Variants in GRIK2 observed in about 807,000 individuals in gnomAD.
GRIK2 encodes the protein glutamate receptor ionotropic, kainate 2.
In GRIK2, 32 loss-of-function variants were observed where a neutral mutation model predicts 100.3. That is an observed-to-expected ratio of 0.32 (90% confidence interval 0.24 to 0.43). The LOEUF (loss-of-function observed/expected upper bound fraction) is 0.43. Ranked by LOEUF, GRIK2 falls within the 20% of genes least tolerant of loss-of-function variation. The pLI, the probability that GRIK2 is intolerant of heterozygous loss-of-function variation, is 1.00. For missense variants in GRIK2, 843 were observed against 1,114.9 expected (o/e 0.76, Z 3.47); for synonymous variants, 417 against 389.4 (o/e 1.07, Z -0.83).
chr6:102,063,710 C>A lies in GRIK2; in HGVS notation c.2563-4637C>A, dbSNP rs1391595245. 4.8e-4 allele frequency among the ~76,000 whole-genome samples: 71 copies of A among 148,734 alleles called. No homozygotes were observed. In the Admixed American group the frequency reaches 4.8e-3, roughly 10 times the overall value. The stretch of plus-strand genomic sequence containing the variant: ...ATTCTTGAAAACATTTACCTGTGGA[C>A]TATTTATGTATTTTCTTATTACATC... On this transcript the variant is annotated intron_variant, in intron 16 of 16. Coordinates refer to ENST00000369134, the MANE Select transcript of GRIK2 (RefSeq NM_021956.5).
intron 14 of GRIK2, among the ~76,000 whole-genome samples, chr6:102,008,291 A>G (rs1315349060): frequency 6.6e-6 from 1 of 152,118 alleles, no homozygotes; most frequent in African/African-American, 2.4e-5. Flanking sequence ...GACACAAAAC[A>G]GCACATGACC....
intron 2 of GRIK2, among the ~76,000 whole-genome samples, chr6:101,604,868 T>A (rs922539915): frequency 1.5e-4 from 22 of 150,608 alleles, no homozygotes; most frequent in African/African-American, 5.5e-4. Flanking sequence ...TAAATATAAG[T>A]CCCCAAACCA....
chr6:101,673,123 G>T (rs1250698719), intron 4 of GRIK2, among the ~76,000 whole-genome samples: 1 of 152,006 alleles, frequency 6.6e-6, no homozygotes, highest in Non-Finnish European at 1.5e-5. Flanking sequence ...TCTGACAAAG[G>T]TCTCATTTCC....
intron 14 of GRIK2, among the ~76,000 whole-genome samples, chr6:101,972,783 C>A (rs1374105648): frequency 2.0e-5 from 3 of 151,920 alleles, no homozygotes; most frequent in African/African-American, 7.2e-5. Flanking sequence ...GTTATCCCTG[C>A]ACCATTTCTT....
At chr6:101,944,564 A>G (rs1159782801) in intron 14 of GRIK2, among the ~76,000 whole-genome samples, 2 of 152,204 alleles carry the variant, frequency 1.3e-5, no homozygotes, top group Admixed American at 6.6e-5. Context: ...TTCCTACTCA[A>G]AGATGCATGA....
intron 10 of GRIK2, among the ~76,000 whole-genome samples, chr6:101,823,897 T>C (rs1782136511): frequency 6.7e-6 from 1 of 149,820 alleles, no homozygotes; most frequent in African/African-American, 2.4e-5. Flanking sequence ...TGATGGAGTC[T>C]CGCTCTGTCG....
chr6:101,704,218 T>G (rs1773099101), intron 7 of GRIK2, among the ~76,000 whole-genome samples: 1 of 151,654 alleles, frequency 6.6e-6, no homozygotes, highest in Non-Finnish European at 1.5e-5. Flanking sequence ...GAGACCATGA[T>G]GGAGAATAAG....
chr6:101,617,545 G>A (rs189465685), intron 2 of GRIK2, among the ~76,000 whole-genome samples: 98 of 151,892 alleles, frequency 6.5e-4, no homozygotes, highest in African/African-American at 2.3e-3. Flanking sequence ...GTGTCACAGA[G>A]TTTGTATATT....
chr6:101,608,224 T>C (rs963587332), intron 2 of GRIK2, among the ~76,000 whole-genome samples: 1 of 151,866 alleles, frequency 6.6e-6, no homozygotes, highest in South Asian at 2.1e-4. Context: ...CTTTAATCAC[T>C]ATACAATATT....
At chr6:101,730,185 GC>G (rs1382836610) in intron 7 of GRIK2, among the ~76,000 whole-genome samples, 5 of 151,902 alleles carry the variant, frequency 3.3e-5, no homozygotes, top group African/African-American at 1.2e-4. Flanking sequence ...CAAATTCGAG[GC>G]AGTAAATAAT....
chr6:101,970,633 C>T (rs1464788702), intron 14 of GRIK2, among the ~76,000 whole-genome samples: 10 of 152,004 alleles, frequency 6.6e-5, no homozygotes, highest in Non-Finnish European at 1.5e-4. Context: ...CAAGGGTAAA[C>T]GACATGGCAC....
At chr6:101,723,804 A>T (rs1251956918) in intron 7 of GRIK2, among the ~76,000 whole-genome samples, 1 of 152,028 alleles carries the variant, frequency 6.6e-6, no homozygotes, top group Non-Finnish European at 1.5e-5. Context: ...GCTAGTGGAG[A>T]ATTTAGATTT....
intron 10 of GRIK2, among the ~76,000 whole-genome samples, chr6:101,848,264 A>C (rs562353372): frequency 2.0e-5 from 3 of 152,248 alleles, no homozygotes; most frequent in Admixed American, 6.5e-5. Flanking sequence ...TTGTCGTTGT[A>C]AGTTTTTATT....
chr6:102,006,388 ATATT>A (rs1306217326), intron 14 of GRIK2, among the ~76,000 whole-genome samples: 8 of 111,902 alleles, frequency 7.1e-5, no homozygotes, highest in African/African-American at 1.6e-4. Context: ...ATATATATAT[ATATT>A]TTTTTTTTTT....
intron 7 of GRIK2, among the ~76,000 whole-genome samples, chr6:101,789,122 G>A (rs1381087296): frequency 2.6e-5 from 4 of 152,112 alleles, no homozygotes; most frequent in African/African-American, 9.7e-5. Context: ...TGTCAGATGA[G>A]TAGGTTGCGA....
chr6:101,867,545 A>G (rs908021610), intron 11 of GRIK2, among the ~76,000 whole-genome samples: 2 of 151,896 alleles, frequency 1.3e-5, no homozygotes, highest in South Asian at 2.1e-4. Flanking sequence ...GATTCATTAG[A>G]AATTATCCCA....
chr6:102,016,294 G>T (rs1795828914), intron 14 of GRIK2, among the ~76,000 whole-genome samples: 1 of 152,012 alleles, frequency 6.6e-6, no homozygotes, highest in Admixed American at 6.6e-5. Context: ...TATAGAAAAA[G>T]AATATAACCA....
intron 14 of GRIK2, among the ~76,000 whole-genome samples, chr6:101,939,362 ATATATTTGCTAT>A (rs1200360864): frequency 6.6e-6 from 1 of 152,036 alleles, no homozygotes; most frequent in Non-Finnish European, 1.5e-5. Flanking sequence ...AATTCCCAAT[ATATATTTGCTAT>A]TATCCTTATT....
intron 2 of GRIK2, among the ~76,000 whole-genome samples, chr6:101,540,977 G>A (rs1775954836): frequency 6.6e-6 from 1 of 151,844 alleles, no homozygotes; most frequent in South Asian, 2.1e-4. Flanking sequence ...CTGGGGGGAG[G>A]ATATCTGTAG....
Sources: gnomAD v4.1 joint callset for allele counts (sites outside exome capture counted in the v4.1 genomes callset) on GRCh38, gnomAD v4.1.1 for gene constraint, MANE v1.5 for transcripts, NCBI Gene and HGNC (gene_info 2026-07-23, HGNC 2026-07-21) for gene names.